HPSE2: variants seen among roughly 807,000 people sequenced by gnomAD.
HPSE2 encodes the protein inactive heparanase-2.
In HPSE2, 38 loss-of-function variants were observed where a neutral mutation model predicts 60.5. That is an observed-to-expected ratio of 0.63 (90% CI 0.48 to 0.82). The LOEUF is 0.82. HPSE2 is among the 40% of genes least tolerant of loss of function. The pLI is 0.00. For missense variants in HPSE2, 713 were observed against 740.4 expected (o/e 0.96, Z 0.43); for synonymous variants, 295 against 293.2 (o/e 1.01, Z -0.06).
chr10:98,797,228 A>G (rs1950797386), intron 3 of HPSE2, among the ~76,000 whole-genome samples: 1 of 152,192 alleles, frequency 6.6e-6, no homozygotes, highest in Admixed American at 6.5e-5. Flanking sequence ...AGCAAACTCG[A>G]AAGAAATTCA....
At chr10:99,241,530 G>A in the HPSE2 span, among the ~76,000 whole-genome samples, 1 of 152,208 alleles carries the variant, frequency 6.6e-6, no homozygotes, top group African/African-American at 2.4e-5. Flanking sequence ...GCTAAGACGG[G>A]AGGATTGCTC....
intron 3 of HPSE2, among the ~76,000 whole-genome samples, chr10:98,867,491 C>A (rs1030286779): frequency 1.6e-4 from 25 of 151,886 alleles, no homozygotes; most frequent in Admixed American, 7.9e-4. Context: ...AAAAATCAGG[C>A]AATAACAAAT....
intron 7 of HPSE2, among the ~76,000 whole-genome samples, chr10:98,641,093 T>A (rs1946626066): frequency 1.3e-5 from 2 of 152,196 alleles, no homozygotes; most frequent in Non-Finnish European, 2.9e-5. Flanking sequence ...CTTGGCTAAT[T>A]CTAAGACACC....
At chr10:98,611,828 T>C (rs1945770115) in intron 9 of HPSE2, among the ~76,000 whole-genome samples, 1 of 152,244 alleles carries the variant, frequency 6.6e-6, no homozygotes, top group African/African-American at 2.4e-5. Context: ...GTTTCTTTAT[T>C]ACAGCTTGGT....
chr10:98,796,541 G>T (rs1440511123), intron 3 of HPSE2, among the ~76,000 whole-genome samples: 1 of 152,174 alleles, frequency 6.6e-6, no homozygotes, highest in Non-Finnish European at 1.5e-5. Context: ...TAAAGTTTTT[G>T]ACTCCAATCC....
intron 3 of HPSE2, among the ~76,000 whole-genome samples, chr10:98,783,252 C>T (rs1431730748): frequency 0.019 from 1,228 of 63,528 alleles, no homozygotes; most frequent in Non-Finnish European, 0.027. Context: ...CATCCATGTC[C>T]CTACAAAGGA....
chr10:98,688,465 C>CTTTTTT lies in HPSE2; in HGVS notation c.1004+5429_1004+5434dup, dbSNP rs562095149. Among the ~76,000 whole-genome samples, 365 of 103,538 alleles carry CTTTTTT rather than the reference C, an allele frequency of 3.5e-3. 14 individuals carry two copies. The highest frequency in any genetic ancestry group is 4.5e-3 in the Non-Finnish European group (244 of 53,824). The allele number at this position is 103,538 out of a possible 152,430, so 67.9% of individuals were successfully genotyped here. A position where few individuals can be genotyped will look rare whatever the true frequency, so the allele number is the denominator to read the frequency against. On this transcript the variant is annotated intron_variant, in intron 6 of 11. Transcript: ENST00000370552. ...GTCTGAAGAATTTCCTTTAGCATTT[C>CTTTTTT]TTTTTTTTTTTCTTTTTTTTTTTTT...
intron 3 of HPSE2, among the ~76,000 whole-genome samples, chr10:99,032,176 A>G (rs1157263146): frequency 6.6e-6 from 1 of 152,174 alleles, no homozygotes; most frequent in East Asian, 1.9e-4. Context: ...AGAAGGTGAG[A>G]AACAGCTGTT....
chr10:98,698,729 C>T (rs1201816443), intron 5 of HPSE2, among the ~76,000 whole-genome samples: 16 of 151,782 alleles, frequency 1.1e-4, no homozygotes, highest in Non-Finnish European at 2.9e-5. Flanking sequence ...ATCAACAAAA[C>T]TGATAGACTG....
At chr10:98,895,829 A>G (rs937420724) in intron 3 of HPSE2, among the ~76,000 whole-genome samples, 9 of 150,142 alleles carry the variant, frequency 6.0e-5, no homozygotes, top group Non-Finnish European at 8.9e-5. Context: ...GTAAACTATC[A>G]CAAGGACAAA....
At chr10:98,942,766 A>C (rs1955050689) in intron 3 of HPSE2, among the ~76,000 whole-genome samples, 1 of 152,084 alleles carries the variant, frequency 6.6e-6, no homozygotes. Context: ...ATGCTGCTAT[A>C]AAGATACATG....
intron 3 of HPSE2, among the ~76,000 whole-genome samples, chr10:98,987,785 C>A (rs1271804625): frequency 6.6e-6 from 1 of 152,186 alleles, no homozygotes; most frequent in Non-Finnish European, 1.5e-5. Context: ...TGATAAGCCA[C>A]TTCAGCAAAG....
At chr10:98,901,479 C>T (rs1163334917) in intron 3 of HPSE2, among the ~76,000 whole-genome samples, 1 of 152,172 alleles carries the variant, frequency 6.6e-6, no homozygotes, top group African/African-American at 2.4e-5. Flanking sequence ...CTAGCCCTAC[C>T]TGAATATTTC....
At chr10:99,114,917 A>AAAAGAAG (rs1554891591) in intron 3 of HPSE2, among the ~76,000 whole-genome samples, 2 of 151,036 alleles carry the variant, frequency 1.3e-5, no homozygotes, top group African/African-American at 4.8e-5. Flanking sequence ...AAAAAAAAAA[A>AAAAGAAG]AAGAAGAAGA....
intron 3 of HPSE2, among the ~76,000 whole-genome samples, chr10:98,948,553 T>C (rs990095495): frequency 1.3e-5 from 2 of 152,190 alleles, no homozygotes; most frequent in Admixed American, 6.5e-5. Context: ...TCCTTCTATA[T>C]GATATGGGCA....
intron 3 of HPSE2, among the ~76,000 whole-genome samples, chr10:99,124,022 G>A (rs907911087): frequency 3.3e-5 from 5 of 152,146 alleles, no homozygotes; most frequent in East Asian, 1.9e-4. Context: ...TTGTCCTGAC[G>A]TCTGTGCAGC....
intron 3 of HPSE2, among the ~76,000 whole-genome samples, chr10:98,795,019 AGAAGGAAGGAAGGAAG>A (rs562332918): frequency 7.1e-5 from 4 of 56,096 alleles, no homozygotes; most frequent in African/African-American, 1.7e-4. Flanking sequence ...AGAGAGAGAG[AGAAGGAAGGAAGGAAG>A]GAAGGAAGGA....
At chr10:99,111,363 G>A (rs1023435776) in intron 3 of HPSE2, among the ~76,000 whole-genome samples, 9 of 152,046 alleles carry the variant, frequency 5.9e-5, no homozygotes, top group Non-Finnish European at 1.3e-4. Context: ...TTCTTAAAGA[G>A]AGCCTCTGTA....
intron 3 of HPSE2, among the ~76,000 whole-genome samples, chr10:98,973,645 C>A (rs111577450): frequency 6.6e-6 from 1 of 152,152 alleles, no homozygotes; most frequent in Non-Finnish European, 1.5e-5. Flanking sequence ...ATGATCACAT[C>A]TTAGTTATAA....
Sources: gnomAD v4.1 joint callset for allele counts (sites outside exome capture counted in the v4.1 genomes callset) on GRCh38, gnomAD v4.1.1 for gene constraint, MANE v1.5 for transcripts, NCBI Gene and HGNC (gene_info 2026-07-23, HGNC 2026-07-21) for gene names.